The following ZNF737 variants were observed in gnomAD, a reference collection of about 807,000 sequenced individuals.
ZNF737 encodes zinc finger protein 102 (Y3).
A neutral mutation model predicts 11.7 loss-of-function variants in ZNF737; 13 were observed. The ratio of observed to expected loss-of-function variants is 1.11; its 90% CI spans 0.73 to 1.77. The LOEUF is 1.77. ZNF737 is among the 40% of genes most tolerant of loss of function. ZNF737 has a pLI of 0.00. For synonymous variants in ZNF737, 217 were observed against 216.2 expected (o/e 1.00, Z -0.03); for missense variants, 636 against 638.0 (o/e 1.00, Z 0.03).
rs781876718 is a variant in ZNF737 at position 20,545,269 on chromosome 19, G to A, written c.934C>T (p.Pro312Ser). 6.2e-7 allele frequency: 1 copy of A among 1,613,226 alleles called. No individual in the cohort carries two copies. Among genetic ancestry groups the A allele is most frequent in the South Asian group, 1.1e-5 (1 of 90,922 alleles). Reference sequence around the variant, plus strand: ...TTGCCACATTCTTCACATTTGTAGGGTTTCTCTCCGCTATGAATTATCTTA... The same window carrying A: ...TTGCCACATTCTTCACATTTGTAGGATTTCTCTCCGCTATGAATTATCTTA... ...AHKIIHSGEK[P>S]YKCEECGKAF... is the part of the protein sequence containing the mutation. Residue 312 changes from proline (P) to serine (S), a missense_variant, in exon 4 of 4, where the codon CCC becomes TCC. Pro to Ser is a moderately conservative substitution (Grantham distance 74, BLOSUM62 -1). Coordinates refer to ENST00000427401, the MANE Select transcript of ZNF737 (RefSeq NM_001159293.2).
At chr19:20,547,024 A>G (rs1228245957) in intron 3 of ZNF737, among the ~76,000 whole-genome samples, 1 of 152,156 alleles carries the variant, frequency 6.6e-6, no homozygotes, top group African/African-American at 2.4e-5. Flanking sequence ...TCTACAACAT[A>G]TTCTTGCTCA....
At chr19:20,558,017 C>T (rs1968953371) in intron 1 of ZNF737, among the ~76,000 whole-genome samples, 2 of 151,982 alleles carry the variant, frequency 1.3e-5, no homozygotes, top group African/African-American at 4.8e-5. Flanking sequence ...ATAATCCCAG[C>T]ACTTTGGGAG....
At chr19:20,548,962 GAA>G (rs3047010) in intron 3 of ZNF737, among the ~76,000 whole-genome samples, 14 of 86,450 alleles carry the variant, frequency 1.6e-4, no homozygotes, top group South Asian at 1.4e-3. Flanking sequence ...AAGAAAAACT[GAA>G]AAAAAAAAAA....
chr19:20,537,500 C>G (rs1968018730), downstream of ZNF737, among the ~76,000 whole-genome samples: 1 of 138,474 alleles, frequency 7.2e-6, no homozygotes, highest in African/African-American at 2.8e-5. Flanking sequence ...CCACATTCAG[C>G]CTGGTTTTCT....
rs1385278598 is a variant in ZNF737, at chr19:20,549,781, T to G, written c.226+2694A>C. Reference sequence around the variant, plus strand: ...CCCATCTCTACTAAAAATACAAAAATTAGCTGGGGACGGTGACACACGCCT... The same window carrying G: ...CCCATCTCTACTAAAAATACAAAAAGTAGCTGGGGACGGTGACACACGCCT... On this transcript the variant is annotated intron_variant, in intron 3 of 3. Transcript: ENST00000427401. Among the ~76,000 whole-genome samples the G allele has an allele frequency of 2.6e-5, 4 of 151,686 alleles. No homozygotes were observed. In the East Asian group the frequency reaches 7.8e-4, roughly 29 times the overall value.
chr19:20,542,349 CT>C lies in ZNF737; in HGVS notation c.*2242del. The C allele has an allele frequency of 2.7e-6, 1 of 367,502 alleles. No individual in the cohort carries two copies. The highest frequency in any genetic ancestry group is 3.8e-6 in the Non-Finnish European group (1 of 265,670). The allele number at this position is 367,502 out of a possible 1,614,324, so 22.8% of individuals were successfully genotyped here. On this transcript the variant is annotated 3_prime_UTR_variant, in exon 4 of 4. Coordinates refer to ENST00000427401, the MANE Select transcript of ZNF737 (RefSeq NM_001159293.2). ...GTTCAAGTGTTTCTCCTGCCTCAGC[CT>C]CCTGAGTAGCTGAGATTACAGGCAT...
chr19:20,564,096 G>A (rs1440289861), intron 1 of ZNF737: 1 of 151,954 alleles, frequency 6.6e-6, no homozygotes, highest in Non-Finnish European at 1.5e-5. Flanking sequence ...AACCCAGGAG[G>A]TGGAGGCTGC....
At chr19:20,535,574 G>C (rs1261761330), downstream of ZNF737, among the ~76,000 whole-genome samples, 1 of 148,266 alleles carries the variant, frequency 6.7e-6, no homozygotes, top group Non-Finnish European at 1.5e-5. Flanking sequence ...CACCCAAGCT[G>C]GAGTGCAGTG....
intron 1 of ZNF737, among the ~76,000 whole-genome samples, chr19:20,556,141 A>T (rs1273339934): frequency 6.6e-6 from 1 of 152,144 alleles, no homozygotes; most frequent in African/African-American, 2.4e-5. Flanking sequence ...AATATGTGCC[A>T]CTGACCTGTC....
At chr19:20,530,665 C>G in the ZNF737 span, among the ~76,000 whole-genome samples, 1 of 144,746 alleles carries the variant, frequency 6.9e-6, no homozygotes, top group Admixed American at 6.8e-5. Context: ...ACATCTCAGA[C>G]GATGGGCAGC....
Position 20,542,905 on chromosome 19 carries a change from A to T in ZNF737, c.*1687T>A. 1 of 985,282 alleles carries T rather than the reference A, an allele frequency of 1.0e-6. No homozygotes were observed. Among genetic ancestry groups the T allele is most frequent in the Non-Finnish European group, 1.2e-6 (1 of 829,792 alleles). The allele number at this position is 985,282 out of a possible 1,614,324, so 61.0% of individuals were successfully genotyped here. Reference sequence around the variant, plus strand: ...TACATCATTATTCAGCTTTCAAAAAATTTTATTCAAGGAAACAAGTATACT... The same window carrying T: ...TACATCATTATTCAGCTTTCAAAAATTTTTATTCAAGGAAACAAGTATACT... On this transcript the variant is annotated 3_prime_UTR_variant, in exon 4 of 4. Transcript: ENST00000427401.
chr19:20,561,272 C>A (rs782311353), intron 1 of ZNF737, among the ~76,000 whole-genome samples: 1 of 152,170 alleles, frequency 6.6e-6, no homozygotes, highest in East Asian at 1.9e-4. Flanking sequence ...GGTGGGGATA[C>A]GCCAGGAGAC....
chr19:20,535,527 CG>C (rs1417402345), downstream of ZNF737, among the ~76,000 whole-genome samples: 312 of 110,754 alleles, frequency 2.8e-3, no homozygotes, highest in African/African-American at 9.8e-3. Context: ...ACAAAATCCT[CG>C]TTTTTTTTTT....
chr19:20,532,798 C>A (rs563274219), downstream of ZNF737, among the ~76,000 whole-genome samples: 8 of 150,080 alleles, frequency 5.3e-5, 1 homozygote, highest in South Asian at 1.7e-3. Flanking sequence ...ACCTGTGGCA[C>A]TTCAGTGAAT....
rs1968786341 is a variant in ZNF737, at chr19:20,553,816, T to C, written c.23A>G (p.Asp8Gly). 1.2e-6 allele frequency: 2 copies of C among 1,613,740 alleles called. No individual in the cohort carries two copies. The highest frequency in any genetic ancestry group is 1.7e-4 in the Middle Eastern group (1 of 6,060). Reference protein sequence around the residue: MGPLQFRDVAIEFSLEEW... With the variant: MGPLQFRGVAIEFSLEEW... ...CTCCAGAGAGAATTCTATGGCCACG[T>C]CTCTAAATTGCAATGGCCCCTGAAA... Residue 8 changes from aspartate to glycine, a missense_variant, in exon 2 of 4, where the codon GAC becomes GGC. Transcript: ENST00000427401.
chr19:20,554,872 T>C (rs1968826791), intron 1 of ZNF737, among the ~76,000 whole-genome samples: 1 of 151,840 alleles, frequency 6.6e-6, no homozygotes. Context: ...CTTTTTTTTT[T>C]TTTTTTTGAG....
downstream of ZNF737, among the ~76,000 whole-genome samples, chr19:20,536,782 A>G (rs1555753948): frequency 6.6e-6 from 1 of 152,136 alleles, no homozygotes; most frequent in African/African-American, 2.4e-5. Flanking sequence ...TCTCTACTAA[A>G]AACACAAAAA....
chr19:20,536,153 GA>G (rs1281430627), downstream of ZNF737: 9 of 974,882 alleles, frequency 9.2e-6, no homozygotes, highest in South Asian at 4.8e-5. Context: ...ACAAAAAACT[GA>G]AAAAAAATTA....
intron 3 of ZNF737, among the ~76,000 whole-genome samples, 194 bp from the exon 4 acceptor site, chr19:20,546,170 AAGTG>A (rs1555757032): frequency 6.6e-6 from 1 of 152,226 alleles, no homozygotes; most frequent in African/African-American, 2.4e-5. Context: ...AAAAATTTAT[AAGTG>A]AGTTAAGTGT....
Sources: gnomAD v4.1 joint callset for allele counts (sites outside exome capture counted in the v4.1 genomes callset) on GRCh38, gnomAD v4.1.1 for gene constraint, MANE v1.5 for transcripts, NCBI Gene and HGNC (gene_info 2026-07-23, HGNC 2026-07-21) for gene names.